MREG: variants seen among roughly 807,000 people sequenced by gnomAD.
MREG encodes the protein melanoregulin, also known as dilute suppressor protein homolog.
Under a neutral mutation model 28.5 loss-of-function variants are expected in MREG, and 31 were observed. The ratio of observed to expected loss-of-function variants is 1.09; its 90% CI spans 0.82 to 1.47. The LOEUF is 1.47. Ranked by LOEUF, MREG falls within the 40% of genes most tolerant of loss-of-function variation. The pLI is 0.00. For synonymous variants in MREG, 106 were observed against 95.2 expected (o/e 1.11, Z -0.66); for missense variants, 256 against 257.4 (o/e 0.99, Z 0.04).
upstream of MREG, among the ~76,000 whole-genome samples, chr2:216,016,948 C>T (rs952770922): frequency 5.9e-5 from 9 of 152,200 alleles, no homozygotes; most frequent in African/African-American, 2.2e-4. Context: ...AGTTCTAAAA[C>T]TTCTAAATGA....
At chr2:215,950,064 T>C (rs1692445585) in intron 2 of MREG, among the ~76,000 whole-genome samples, 2 of 152,352 alleles carry the variant, frequency 1.3e-5, no homozygotes, top group Non-Finnish European at 1.5e-5. Context: ...GACCAGATTG[T>C]TAGTCACACT....
At chr2:215,986,129 C>T (rs1225480856) in intron 2 of MREG, among the ~76,000 whole-genome samples, 1 of 152,142 alleles carries the variant, frequency 6.6e-6, no homozygotes, top group African/African-American at 2.4e-5. Flanking sequence ...AACGTCTTTA[C>T]ATATCAATAG....
chr2:215,997,237 C>T (rs1693898093), intron 1 of MREG, among the ~76,000 whole-genome samples: 1 of 152,158 alleles, frequency 6.6e-6, no homozygotes, highest in Non-Finnish European at 1.5e-5. Context: ...AAGTAATAAA[C>T]ATGCGTACCC....
chr2:216,009,193 T>C (rs1044314450), intron 1 of MREG, among the ~76,000 whole-genome samples: 6 of 152,206 alleles, frequency 3.9e-5, no homozygotes, highest in African/African-American at 1.2e-4. Context: ...TTATTTAATA[T>C]ATATTGTTGC....
intron 2 of MREG, among the ~76,000 whole-genome samples, chr2:215,974,852 ACTCT>A (rs749594804): frequency 0.01 from 1,082 of 107,604 alleles, 15 homozygotes; most frequent in African/African-American, 0.031. Context: ...ACACACACAC[ACTCT>A]CTCTCTCTCT....
chr2:215,974,195 G>C (rs572407209), intron 2 of MREG, among the ~76,000 whole-genome samples: 1 of 152,212 alleles, frequency 6.6e-6, no homozygotes, highest in East Asian at 1.9e-4. Flanking sequence ...TCACTCCTGG[G>C]CTGTAAATAG....
chr2:216,007,417 T>TTATG (rs1694187360), intron 1 of MREG, among the ~76,000 whole-genome samples: 1 of 148,954 alleles, frequency 6.7e-6, no homozygotes, highest in African/African-American at 2.5e-5. Context: ...ATTTATTTAT[T>TTATG]TATTTATTTA....
intron 2 of MREG, among the ~76,000 whole-genome samples, chr2:215,988,898 G>A (rs1339902599): frequency 6.6e-6 from 1 of 152,224 alleles, no homozygotes; most frequent in Non-Finnish European, 1.5e-5. Context: ...CCCAGTCAGG[G>A]GCTTATAGAT....
chr2:215,950,938 G>A (rs574227545), intron 2 of MREG, among the ~76,000 whole-genome samples: 5 of 152,266 alleles, frequency 3.3e-5, no homozygotes, highest in Admixed American at 2.0e-4. Context: ...GTGCTGTCTC[G>A]TGATAGAGTT....
At chr2:215,958,751 C>A (rs1692701733) in intron 2 of MREG, among the ~76,000 whole-genome samples, 1 of 152,194 alleles carries the variant, frequency 6.6e-6, no homozygotes, top group Non-Finnish European at 1.5e-5. Flanking sequence ...CCACTAGTGA[C>A]CTGATTTAGG....
At chr2:216,028,483 G>A (rs963950836) in intron 1 of MREG, among the ~76,000 whole-genome samples, 3 of 143,180 alleles carry the variant, frequency 2.1e-5, no homozygotes, top group African/African-American at 5.3e-5. Context: ...AGCCGAGATC[G>A]CGCCACTGCA....
intron 2 of MREG, among the ~76,000 whole-genome samples, chr2:215,995,812 G>C (rs1440816250): frequency 1.3e-5 from 2 of 151,862 alleles, no homozygotes; most frequent in Admixed American, 6.6e-5. Context: ...CTTATCACAA[G>C]AAGTATCTCA....
At chr2:215,961,157 C>T (rs752086964) in intron 2 of MREG, among the ~76,000 whole-genome samples, 5 of 152,338 alleles carry the variant, frequency 3.3e-5, no homozygotes, top group African/African-American at 4.8e-5. Context: ...GGCCTGTGCC[C>T]AGCGGTCTGG....
rs1320398238 is a variant in MREG at position 215,996,393 on chromosome 2, G to T, written c.168C>A (p.Pro56=). The part of the protein sequence containing the change: ...RDDEKNLWSM[P]HDVSHTEADD... ...CTGCCTCTGTGTGGGACACATCATG[G>T]GGCATACTCCATAAATTCTTCTCAT... Residue 56 remains proline (P), a synonymous_variant, in exon 2 of 5, where the codon CCC becomes CCA. Coordinates refer to ENST00000263268, the MANE Select transcript of MREG (RefSeq NM_018000.3). The T allele has an allele frequency of 6.2e-7, 1 of 1,613,410 alleles. No individual in the cohort carries two copies.
At chr2:216,017,026 C>G (rs1258709777), upstream of MREG, among the ~76,000 whole-genome samples, 1 of 152,102 alleles carries the variant, frequency 6.6e-6, no homozygotes, top group Non-Finnish European at 1.5e-5. Flanking sequence ...CAACCTAATC[C>G]CCTTTCTACC....
rs1574653507 is a variant in MREG at position 216,010,517 on chromosome 2, C to T, written c.95+2716G>A. Among the ~76,000 whole-genome samples the T allele has an allele frequency of 2.0e-5, 3 of 151,618 alleles. No individual in the cohort carries two copies. The East Asian group carries it at 5.9e-4, about 30-fold the overall frequency. ...GGACTACAGGCGCCCGCCACTACAC[C>T]CGGCTAATTTTTTGTATTTTTAGTA... On this transcript the variant is annotated intron_variant, in intron 1 of 4. Transcript: ENST00000263268.
chr2:215,966,835 C>T (rs1472978507), intron 2 of MREG, among the ~76,000 whole-genome samples: 2 of 152,062 alleles, frequency 1.3e-5, no homozygotes, highest in Non-Finnish European at 2.9e-5. Context: ...CTCCTGACCT[C>T]GTGATCCTAC....
At position 215,996,496 on chromosome 2, in the gene MREG, T is replaced by C. The variant is rs1559192199; in HGVS notation, c.96-31A>G. 3 of 1,555,672 alleles carry C rather than the reference T, an allele frequency of 1.9e-6. No homozygotes were observed. In the South Asian group the frequency reaches 3.4e-5, roughly 18 times the overall value. The stretch of plus-strand genomic sequence containing the variant: ...GTATAAAAAAAGGAAAGATTGGGGT[T>C]TTATAATATACATAAAATGTTATAT... On this transcript the variant is annotated intron_variant, in intron 1 of 4. Transcript: ENST00000263268.
chr2:215,947,064 C>G lies in MREG; in HGVS notation c.305G>C (p.Arg102Thr), dbSNP rs192002830. ...GCACTTCCATCTGTTTCTTACTTCC[C>G]TTCGAACCTGCCGCAGGGTATGGAT... ...YDIHTLRQVR[R>T]EVRNRWKCIL... Residue 102 changes from arginine (R) to threonine (T), a missense_variant, in exon 3 of 5, where the codon AGG (arginine) becomes ACG (threonine). By Grantham distance (71) the Arg-to-Thr change is moderately conservative (BLOSUM62 -1). Transcript: ENST00000263268. The G allele has an allele frequency of 2.4e-5, 39 of 1,613,010 alleles. No homozygotes were observed. The Admixed American group carries it at 6.0e-4, about 25-fold the overall frequency.
Sources: allele counts gnomAD v4.1 joint callset (sites outside exome capture counted in the v4.1 genomes callset), GRCh38; gene constraint gnomAD v4.1.1; transcripts MANE v1.5; gene names NCBI Gene and HGNC (gene_info 2026-07-23, HGNC 2026-07-21).